Variants in SPTBN1 observed in about 807,000 individuals in gnomAD.
SPTBN1 encodes spectrin beta, non-erythrocytic 1.
In SPTBN1, 32 loss-of-function variants were observed where a neutral mutation model predicts 266.4. The ratio of observed to expected loss-of-function variants is 0.12; its 90% confidence interval spans 0.09 to 0.16. SPTBN1 has a LOEUF of 0.16. SPTBN1 is among the 10% of genes least tolerant of loss of function. SPTBN1 has a pLI of 1.00. For synonymous variants in SPTBN1, 1,336 were observed against 1,162.2 expected, an observed-to-expected ratio of 1.15 and a Z score of -3.04; for missense variants, 2,296 against 3,067.1, an observed-to-expected ratio of 0.75 and a Z score of 5.94.
intron 1 of SPTBN1, among the ~76,000 whole-genome samples, chr2:54,457,776 G>T (rs1558741680): frequency 6.6e-6 from 1 of 152,244 alleles, no homozygotes; most frequent in Non-Finnish European, 1.5e-5. Context: ...TCTGCTGGAT[G>T]TGGCGTCAGG....
At chr2:54,594,279 T>C (rs1408252413) in intron 2 of SPTBN1, among the ~76,000 whole-genome samples, 3 of 152,120 alleles carry the variant, frequency 2.0e-5, no homozygotes, top group Non-Finnish European at 4.4e-5. Context: ...CCTCTGTATC[T>C]GCAGGTTCCT....
In SPTBN1 at chr2:54,626,486, TG is replaced by T. The variant is rs2103902378; in HGVS notation, c.1644+253del. ...TTTCTGTGACTTAGATATATTCCAG[TG>T]TAGGGAATCAATCACATTGTGGTTT... On this transcript the variant is annotated intron_variant, in intron 12 of 35. Coordinates refer to ENST00000356805, the MANE Select transcript of SPTBN1 (RefSeq NM_003128.3). The surrounding 1 kb of genome is among the most constrained non-coding windows in gnomAD (Gnocchi z 4.7). Among the ~76,000 whole-genome samples the T allele has an allele frequency of 6.6e-6, 1 of 152,322 alleles. No homozygotes were observed. Among genetic ancestry groups the T allele is most frequent in the Admixed American group, 6.5e-5 (1 of 15,308 alleles).
At position 54,629,432 on chromosome 2, in the gene SPTBN1, T is replaced by A. The variant is rs541254034; in HGVS notation, c.2298T>A (p.Ile766=). 1 of 1,614,120 alleles carries A rather than the reference T, an allele frequency of 6.2e-7. No homozygotes were observed. Among genetic ancestry groups the A allele is most frequent in the Non-Finnish European group, 8.5e-7 (1 of 1,180,038 alleles). ...CCTGGATGCTGGACATCCTCAAGAT[T>A]GTCTCCAGCAGCGACGTGGGCCACG... ...IDAWMLDILK[I]VSSSDVGHDE... is the part of the protein sequence containing the mutation. Residue 766 remains isoleucine, a synonymous_variant, in exon 14 of 36, where the codon ATT becomes ATA. Coordinates refer to ENST00000356805, the MANE Select transcript of SPTBN1 (RefSeq NM_003128.3).
At chr2:54,660,575 A>G in intron 32 of SPTBN1, 4 of 985,600 alleles carry the variant, frequency 4.1e-6, no homozygotes, top group Non-Finnish European at 4.8e-6. Flanking sequence ...GTAACATTCC[A>G]TGAAAGATGC....
Position 54,653,424 on chromosome 2 carries a change from A to T in SPTBN1, c.5578-185A>T. ...AGAACTTAATAATGTAGTTGAACAGATTTATAGAAAACGGGTTTTTGTGAC... is the reference window on the plus strand; with the variant it reads ...AGAACTTAATAATGTAGTTGAACAGTTTTATAGAAAACGGGTTTTTGTGAC... On this transcript the variant is annotated intron_variant, in intron 26 of 35. Coordinates refer to ENST00000356805, the MANE Select transcript of SPTBN1 (RefSeq NM_003128.3). The surrounding 1 kb of genome is among the most constrained non-coding windows in gnomAD (Gnocchi z 5.1). 2 of 834,326 alleles carry T rather than the reference A, an allele frequency of 2.4e-6. No homozygotes were observed. The highest frequency in any genetic ancestry group is 3.0e-5 in the Admixed American group (1 of 33,874). The allele number at this position is 834,326 out of a possible 1,614,324, so 51.7% of individuals were successfully genotyped here. A position where few individuals can be genotyped will look rare whatever the true frequency, so the allele number is the denominator to read the frequency against.
At position 54,664,420 on chromosome 2, in the gene SPTBN1, G is replaced by A; in HGVS notation, c.6421-33G>A. ...TATGTGGTCACCCCCATGGCTCACG[G>A]AGTTAGCTGAATGGCCTCTCCGCTG... On this transcript the variant is annotated intron_variant, in intron 32 of 35. Coordinates refer to ENST00000356805, the MANE Select transcript of SPTBN1 (RefSeq NM_003128.3). This position sits in a 1 kb window ranked among gnomAD's most constrained non-coding sequence, Gnocchi z 5.6. The A allele has an allele frequency of 6.3e-7, 1 of 1,596,540 alleles. No individual in the cohort carries two copies. The highest frequency in any genetic ancestry group is 8.6e-7 in the Non-Finnish European group (1 of 1,166,686).
At chr2:54,489,061 C>T (rs1022943142) in intron 1 of SPTBN1, among the ~76,000 whole-genome samples, 21 of 151,674 alleles carry the variant, frequency 1.4e-4, no homozygotes, top group African/African-American at 4.1e-4. Flanking sequence ...TAGCTCATGC[C>T]TGTAATCCCA....
intron 3 of SPTBN1, among the ~76,000 whole-genome samples, chr2:54,611,082 G>A (rs1448583489): frequency 1.3e-5 from 2 of 152,174 alleles, no homozygotes; most frequent in East Asian, 3.8e-4. Flanking sequence ...ATCTGTGTTT[G>A]TGTGTATGAG....
At chr2:54,644,140 T>G (rs2271322) in intron 19 of SPTBN1, among the ~76,000 whole-genome samples, 183 bp from the exon 20 acceptor site, 2 of 151,980 alleles carry the variant, frequency 1.3e-5, no homozygotes, top group East Asian at 1.9e-4. Context: ...CATGAAACCC[T>G]TGTAATGTAC....
intron 29 of SPTBN1, among the ~76,000 whole-genome samples, chr2:54,657,157 C>G (rs1034321898): frequency 2.0e-5 from 3 of 152,234 alleles, no homozygotes; most frequent in Non-Finnish European, 4.4e-5. Context: ...TATGTTGGAA[C>G]TAGTGTTCCA....
intron 8 of SPTBN1, 66 bp downstream of exon 8, chr2:54,621,578 A>T (rs1186972174): frequency 7.4e-7 from 1 of 1,344,932 alleles, no homozygotes; most frequent in African/African-American, 1.4e-5. Flanking sequence ...TCATTCTCCC[A>T]TGCACTCATA....
At chr2:54,666,664 G>A (rs566078953) in intron 34 of SPTBN1, among the ~76,000 whole-genome samples, 1 of 152,306 alleles carries the variant, frequency 6.6e-6, no homozygotes, top group South Asian at 2.1e-4. Flanking sequence ...GTGGAGCTAA[G>A]CTCAGAATTT....
chr2:54,495,878 A>G (rs984902743), intron 1 of SPTBN1, among the ~76,000 whole-genome samples: 2 of 152,216 alleles, frequency 1.3e-5, no homozygotes, highest in Admixed American at 1.3e-4. Flanking sequence ...AAAAGCAAGT[A>G]AATCAAAGAA....
At chr2:54,581,806 CAAGAT>C (rs1332607635) in intron 2 of SPTBN1, among the ~76,000 whole-genome samples, 1 of 152,066 alleles carries the variant, frequency 6.6e-6, no homozygotes, top group African/African-American at 2.4e-5. Flanking sequence ...GGAACTGCCT[CAAGAT>C]AAAAAGAGGA....
intron 1 of SPTBN1, among the ~76,000 whole-genome samples, chr2:54,491,968 G>A (rs914527860): frequency 2.0e-5 from 3 of 152,134 alleles, no homozygotes; most frequent in Non-Finnish European, 4.4e-5. Context: ...GAAATAGGCA[G>A]CATGGCTGGT....
chr2:54,563,820 T>A (rs1012990215), intron 2 of SPTBN1, among the ~76,000 whole-genome samples: 1 of 152,024 alleles, frequency 6.6e-6, no homozygotes, highest in African/African-American at 2.4e-5. Context: ...GCCAGGCTGG[T>A]CTCGAACTCC....
At chr2:54,583,472 T>A (rs1675083577) in intron 2 of SPTBN1, among the ~76,000 whole-genome samples, 1 of 152,164 alleles carries the variant, frequency 6.6e-6, no homozygotes, top group Non-Finnish European at 1.5e-5. Flanking sequence ...GGTGAGAAGA[T>A]ACCTGGAGGC....
intron 24 of SPTBN1, among the ~76,000 whole-genome samples, chr2:54,647,816 C>G (rs576307084): frequency 7.2e-5 from 11 of 152,240 alleles, no homozygotes; most frequent in Non-Finnish European, 1.5e-5. Context: ...GCACTCCAGC[C>G]TGGGTGACAG....
At chr2:54,499,474 A>T (rs1409602594) in intron 1 of SPTBN1, among the ~76,000 whole-genome samples, 1 of 152,208 alleles carries the variant, frequency 6.6e-6, no homozygotes, top group Non-Finnish European at 1.5e-5. Flanking sequence ...GAGGAAGGTG[A>T]CTGGTTGTTT....
Sources: allele counts gnomAD v4.1 joint callset (sites outside exome capture counted in the v4.1 genomes callset), GRCh38; gene constraint gnomAD v4.1.1; non-coding constraint Gnocchi (gnomAD v3.1); transcripts MANE v1.5; gene names NCBI Gene and HGNC (gene_info 2026-07-23, HGNC 2026-07-21).